Variants in ME3 observed in about 807,000 individuals in gnomAD.
ME3 encodes the protein NADP-dependent malic enzyme, mitochondrial.
ME3 carries 48 observed loss-of-function variants against 68.9 expected under a neutral mutation model. The ratio of observed to expected loss-of-function variants is 0.70; its 90% confidence interval spans 0.55 to 0.89. The LOEUF is 0.89. Ranked by LOEUF, ME3 falls within the 40% of genes least tolerant of loss-of-function variation. The pLI, the probability that ME3 is intolerant of heterozygous loss-of-function variation, is 0.00. For missense variants in ME3, 675 were observed against 797.4 expected (o/e 0.85, Z 1.85); for synonymous variants, 320 against 318.8 (o/e 1.00, Z -0.04).
intron 4 of ME3, among the ~76,000 whole-genome samples, chr11:86,511,037 G>A (rs1378424473): frequency 1.3e-5 from 2 of 152,054 alleles, no homozygotes; most frequent in African/African-American, 2.4e-5. Context: ...TATACAACCC[G>A]TTGCCAAGTT....
chr11:86,476,363 G>T (rs1179119569), intron 7 of ME3, among the ~76,000 whole-genome samples: 33 of 152,208 alleles, frequency 2.2e-4, no homozygotes, highest in Non-Finnish European at 1.5e-4. Flanking sequence ...GTGGGAGTTG[G>T]AGCCATCAAA....
chr11:86,514,707 A>C (rs192420112), intron 4 of ME3, among the ~76,000 whole-genome samples: 7 of 152,304 alleles, frequency 4.6e-5, no homozygotes, highest in East Asian at 1.9e-4. Flanking sequence ...TCATGTGTAA[A>C]ATGGAAGAAG....
chr11:86,531,942 A>C (rs1475191832), intron 4 of ME3, among the ~76,000 whole-genome samples: 1 of 151,834 alleles, frequency 6.6e-6, no homozygotes, highest in Non-Finnish European at 1.5e-5. Context: ...AAACCTGCAC[A>C]TTGTGCACAT....
At chr11:86,529,030 G>T (rs1320004703) in intron 4 of ME3, among the ~76,000 whole-genome samples, 5 of 151,968 alleles carry the variant, frequency 3.3e-5, no homozygotes. Context: ...AGGAGAGAGA[G>T]ACACAAAAAA....
intron 4 of ME3, among the ~76,000 whole-genome samples, chr11:86,510,374 C>T (rs1953428278): frequency 6.6e-6 from 1 of 152,188 alleles, no homozygotes; most frequent in Non-Finnish European, 1.5e-5. Flanking sequence ...TTTCCTCCTA[C>T]TTCTCTGTGG....
chr11:86,653,041 C>G (rs1483070474), intron 2 of ME3, among the ~76,000 whole-genome samples: 1 of 152,098 alleles, frequency 6.6e-6, no homozygotes, highest in African/African-American at 2.4e-5. Flanking sequence ...ACAAGAAGAG[C>G]TAACTATCCT....
chr11:86,561,185 A>G (rs950632234), intron 2 of ME3, among the ~76,000 whole-genome samples: 7 of 151,962 alleles, frequency 4.6e-5, no homozygotes, highest in African/African-American at 1.7e-4. Context: ...TACTACCCAT[A>G]ATGTAGCAGT....
chr11:86,550,419 G>T (rs535494729), intron 4 of ME3, among the ~76,000 whole-genome samples: 1 of 152,268 alleles, frequency 6.6e-6, no homozygotes, highest in Admixed American at 6.5e-5. Flanking sequence ...TTGAGGGCAA[G>T]AACCCAGATC....
chr11:86,495,637 G>A (rs1332831029), intron 6 of ME3, among the ~76,000 whole-genome samples: 1 of 152,178 alleles, frequency 6.6e-6, no homozygotes, highest in Non-Finnish European at 1.5e-5. Flanking sequence ...GACAATTTCA[G>A]CAAAACTCAG....
rs781231379 is a variant in ME3 at position 86,567,463 on chromosome 11, C to CGACT, written c.184-7644_184-7641dup. Among the ~76,000 whole-genome samples the CGACT allele has an allele frequency of 5.3e-5, 8 of 152,262 alleles. 1 individual carries two copies. Among genetic ancestry groups the CGACT allele is most frequent in the Admixed American group, 6.5e-5 (1 of 15,300 alleles). ...CTTTCACCAAAAGCCTTTAGGCAGG[C>CGACT]GACTGTTCACTGCCTCGGTAAAGAC... On this transcript the variant is annotated intron_variant, in intron 2 of 14. Transcript: ENST00000543262.
chr11:86,667,409 G>T (rs1159573663), intron 2 of ME3, among the ~76,000 whole-genome samples: 2 of 152,304 alleles, frequency 1.3e-5, no homozygotes, highest in East Asian at 3.9e-4. Flanking sequence ...AGTCAAGCAG[G>T]TGCATTTCCT....
intron 7 of ME3, among the ~76,000 whole-genome samples, chr11:86,472,698 A>AGAAGGC (rs1217796019): frequency 3.7e-4 from 57 of 152,284 alleles, no homozygotes; most frequent in African/African-American, 1.3e-3. Context: ...CCTCTCTTGC[A>AGAAGGC]GTCCTGTTGT....
At chr11:86,599,217 A>T (rs1228294556) in intron 2 of ME3, among the ~76,000 whole-genome samples, 2 of 152,206 alleles carry the variant, frequency 1.3e-5, no homozygotes, top group Admixed American at 6.5e-5. Flanking sequence ...AATTTAGACG[A>T]ATGTATAACT....
intron 1 of ME3, 82 bp from the exon 2 acceptor site, chr11:86,672,040 C>G (rs1946986763): frequency 9.6e-6 from 11 of 1,151,456 alleles, no homozygotes; most frequent in Non-Finnish European, 1.2e-5. Context: ...CGGGCCTGAT[C>G]CGGGGACGCG....
chr11:86,600,866 G>A (rs1266429658), intron 2 of ME3, among the ~76,000 whole-genome samples: 62 of 151,692 alleles, frequency 4.1e-4, no homozygotes, highest in East Asian at 2.7e-3. Flanking sequence ...GGTACACAAC[G>A]AAATGAAGGC....
Position 86,554,623 on chromosome 11 carries a change from A to AT in ME3, c.467+1929dup, listed in dbSNP as rs200840697. On this transcript the variant is annotated intron_variant, in intron 4 of 14. Transcript: ENST00000543262. ...GATCCACACTTCTCATTTTACCCTC[A>AT]TAATGATTGAGTTAGGTAGTATTGT... Among the ~76,000 whole-genome samples the AT allele has an allele frequency of 5.0e-3, 767 of 152,314 alleles. 9 individuals carry two copies. The highest frequency in any genetic ancestry group is 0.018 in the African/African-American group (740 of 41,564).
At chr11:86,530,971 T>A (rs1022420328) in intron 4 of ME3, among the ~76,000 whole-genome samples, 3 of 152,040 alleles carry the variant, frequency 2.0e-5, no homozygotes, top group African/African-American at 7.2e-5. Context: ...CCAAAAGCAA[T>A]GGCAACAAAA....
At chr11:86,480,217 A>G (rs1951321400) in intron 7 of ME3, among the ~76,000 whole-genome samples, 1 of 152,200 alleles carries the variant, frequency 6.6e-6, no homozygotes, top group Non-Finnish European at 1.5e-5. Context: ...GCATGATCAG[A>G]TACATGCTTT....
At chr11:86,485,818 C>T (rs1594139384) in intron 7 of ME3, among the ~76,000 whole-genome samples, 1 of 152,302 alleles carries the variant, frequency 6.6e-6, no homozygotes, top group South Asian at 2.1e-4. Flanking sequence ...CTGCTCTCTT[C>T]GTCTTCCTGC....
Sources: allele counts gnomAD v4.1 joint callset (sites outside exome capture counted in the v4.1 genomes callset), GRCh38; gene constraint gnomAD v4.1.1; transcripts MANE v1.5; gene names NCBI Gene and HGNC (gene_info 2026-07-23, HGNC 2026-07-21).